Variants in LRCH3 observed in about 807,000 individuals in gnomAD.
LRCH3 encodes DISP complex protein LRCH3.
Under a neutral mutation model 104.5 loss-of-function variants are expected in LRCH3, and 68 were observed. The observed-to-expected ratio is 0.65, with a 90% CI of 0.54 to 0.80. The LOEUF (loss-of-function observed/expected upper bound fraction) is 0.80. Among genes scored for constraint, LRCH3 ranks in the 30% least tolerant of loss-of-function variants. LRCH3 has a pLI of 0.00. For synonymous variants in LRCH3, 344 were observed against 361.3 expected (o/e 0.95, Z 0.54); for missense variants, 951 against 953.9 (o/e 1.00, Z 0.04).
intron 1 of LRCH3, among the ~76,000 whole-genome samples, chr3:197,805,002 C>G (rs774225349): frequency 7.2e-5 from 11 of 151,912 alleles, no homozygotes; most frequent in Non-Finnish European, 1.5e-4. Flanking sequence ...TCAAGCAATT[C>G]TCCTGCCTCA....
Position 197,847,958 on chromosome 3 carries a change from G to A in LRCH3, c.1467G>A (p.Gln489=). 1 of 1,614,162 alleles carries A rather than the reference G, an allele frequency of 6.2e-7. No individual in the cohort carries two copies. Among genetic ancestry groups the A allele is most frequent in the East Asian group, 2.2e-5 (1 of 44,872 alleles). The change falls in exon 12 of 21, where the codon CAG becomes CAA. Residue 489 remains glutamine (Q), a synonymous_variant. Coordinates refer to ENST00000425562, the MANE Select transcript of LRCH3 (RefSeq NM_001365715.1). The part of the protein sequence containing the change: ...TRREAQLAAL[Q]YEEEKIRTKQ... ...GAGAGGCTCAGCTTGCTGCCCTGCA[G>A]TATGAGGAGGAGAAAATAAGGACCA... is the stretch of plus-strand genomic sequence containing the variant.
At chr3:197,869,854 A>C (rs1409471973) in intron 17 of LRCH3, among the ~76,000 whole-genome samples, 1 of 77,126 alleles carries the variant, frequency 1.3e-5, no homozygotes, top group African/African-American at 5.2e-5. Context: ...AGAAAGCGAT[A>C]CACTGTACCT....
At chr3:197,800,763 T>A (rs141816331) in intron 1 of LRCH3, among the ~76,000 whole-genome samples, 139 of 152,230 alleles carry the variant, frequency 9.1e-4, no homozygotes, top group Non-Finnish European at 1.8e-3. Context: ...AGAAACAACT[T>A]AAGTGATGAT....
At chr3:197,844,244 T>G (rs1738260610) in intron 10 of LRCH3, among the ~76,000 whole-genome samples, 1 of 152,130 alleles carries the variant, frequency 6.6e-6, no homozygotes, top group Non-Finnish European at 1.5e-5. Context: ...CTACAAGACA[T>G]CCAAGTGGAA....
chr3:197,825,602 C>T (rs1435782487), intron 4 of LRCH3, among the ~76,000 whole-genome samples: 1 of 149,930 alleles, frequency 6.7e-6, no homozygotes, highest in African/African-American at 2.5e-5. Flanking sequence ...GTCTCAGCCT[C>T]CCGAGTAGCT....
intron 14 of LRCH3, among the ~76,000 whole-genome samples, chr3:197,855,038 C>T (rs999686113): frequency 6.6e-6 from 1 of 152,088 alleles, no homozygotes; most frequent in African/African-American, 2.4e-5. Context: ...TATTTAACAT[C>T]TTATTAGCCT....
chr3:197,857,291 T>C (rs1740383759), intron 14 of LRCH3, among the ~76,000 whole-genome samples: 1 of 151,172 alleles, frequency 6.6e-6, no homozygotes, highest in Non-Finnish European at 1.5e-5. Context: ...CCTGTTAATA[T>C]CAGTTTACAC....
At chr3:197,801,860 T>A (rs1010907267) in intron 1 of LRCH3, among the ~76,000 whole-genome samples, 12 of 152,190 alleles carry the variant, frequency 7.9e-5, no homozygotes, top group African/African-American at 2.9e-4. Flanking sequence ...CAGGATGGGC[T>A]TTTATCTGGA....
chr3:197,802,003 T>A (rs1249664820), intron 1 of LRCH3, among the ~76,000 whole-genome samples: 2 of 152,190 alleles, frequency 1.3e-5, no homozygotes, highest in Non-Finnish European at 2.9e-5. Context: ...TGGATGCCAC[T>A]TGTATTCTTA....
At chr3:197,879,498 T>C in intron 20 of LRCH3, among the ~76,000 whole-genome samples, 1 of 150,912 alleles carries the variant, frequency 6.6e-6, no homozygotes, top group African/African-American at 2.5e-5. Context: ...TACAAAAAAT[T>C]AGCCGGGCGT....
intron 15 of LRCH3, among the ~76,000 whole-genome samples, chr3:197,864,032 G>C (rs1414947597): frequency 6.6e-6 from 1 of 152,234 alleles, no homozygotes; most frequent in African/African-American, 2.4e-5. Context: ...TAGGCCGGGC[G>C]TGGTGGCTCA....
intron 19 of LRCH3, 179 bp downstream of exon 19, chr3:197,871,641 G>A: frequency 1.4e-6 from 1 of 718,622 alleles, no homozygotes; most frequent in Non-Finnish European, 2.2e-6. Context: ...GCTACTTACA[G>A]CAGTGCGATA....
chr3:197,882,718 A>C (rs1477496773), intron 20 of LRCH3: 1 of 985,304 alleles, frequency 1.0e-6, no homozygotes, highest in Non-Finnish European at 1.2e-6. Context: ...GAAAGGGTTA[A>C]CCTAACAAAT....
chr3:197,880,241 G>A (rs577175029), intron 20 of LRCH3, among the ~76,000 whole-genome samples: 5 of 151,580 alleles, frequency 3.3e-5, no homozygotes, highest in Admixed American at 1.3e-4. Context: ...CACCGCGCCC[G>A]GCCTGTGTAT....
intron 11 of LRCH3, 84 bp downstream of exon 11, chr3:197,847,544 T>C (rs13064006): frequency 8.4e-7 from 1 of 1,197,508 alleles, no homozygotes; most frequent in African/African-American, 1.5e-5. Flanking sequence ...TGCCATTAAT[T>C]GCCAGGTATA....
At chr3:197,860,460 T>C (rs759136202) in intron 15 of LRCH3, among the ~76,000 whole-genome samples, 4 of 152,200 alleles carry the variant, frequency 2.6e-5, no homozygotes, top group South Asian at 2.1e-4. Flanking sequence ...ATCCCAGTGT[T>C]GGTAGCCCGA....
chr3:197,823,086 T>TTCAAGGGATTCTCCTGCCTC (rs1560542304), intron 4 of LRCH3: 1 of 147,098 alleles, frequency 6.8e-6, no homozygotes, highest in Admixed American at 6.9e-5. Context: ...GCCTCCCAAG[T>TTCAAGGGATTCTCCTGCCTC]AGCTGGGATT....
At chr3:197,846,871 C>CT (rs978295205) in intron 10 of LRCH3, among the ~76,000 whole-genome samples, 8 of 150,536 alleles carry the variant, frequency 5.3e-5, no homozygotes, top group East Asian at 1.9e-4. Context: ...GGAAGTACTA[C>CT]TTTTTTTTTG....
At chr3:197,868,023 CAAAAAAACA>C (rs911054771) in intron 17 of LRCH3, among the ~76,000 whole-genome samples, 3 of 151,240 alleles carry the variant, frequency 2.0e-5, no homozygotes, top group African/African-American at 7.3e-5. Flanking sequence ...AACCCTGTCT[CAAAAAAACA>C]AAAAAAACAC....
Sources: allele counts gnomAD v4.1 joint callset (sites outside exome capture counted in the v4.1 genomes callset), GRCh38; gene constraint gnomAD v4.1.1; transcripts MANE v1.5; gene names NCBI Gene and HGNC (gene_info 2026-07-23, HGNC 2026-07-21).